TMEM132D: variants seen among roughly 807,000 people sequenced by gnomAD.
TMEM132D encodes the protein mature OL transmembrane protein.
A neutral mutation model predicts 62.3 loss-of-function variants in TMEM132D; 21 were observed. The observed-to-expected ratio is 0.34, with a 90% CI of 0.24 to 0.49. The LOEUF (loss-of-function observed/expected upper bound fraction) is 0.49, where lower values mean the gene tolerates loss of function less well. TMEM132D is among the 20% of genes least tolerant of loss of function. The pLI, the probability that TMEM132D is intolerant of heterozygous loss-of-function variation, is 0.99. For missense variants in TMEM132D, 1,346 were observed against 1,402.8 expected (o/e 0.96, Z 0.65); for synonymous variants, 621 against 575.6 (o/e 1.08, Z -1.13).
intron 2 of TMEM132D, among the ~76,000 whole-genome samples, chr12:129,550,915 G>GTGAGTTC (rs1374885977): frequency 6.6e-6 from 1 of 152,188 alleles, no homozygotes; most frequent in Non-Finnish European, 1.5e-5. Context: ...CTATGAGGCT[G>GTGAGTTC]TGAGTTCTGT....
rs377161002 is a variant in TMEM132D at position 129,188,996 on chromosome 12, G to T, written c.1443+20524C>A. Among the ~76,000 whole-genome samples the T allele has an allele frequency of 2.4e-4, 37 of 152,274 alleles. 1 individual carries two copies. The South Asian group carries it at 7.5e-3, about 31-fold the overall frequency. ...CCTGGAGGACCTACAGTGCCATTTG[G>T]TTACAACAGAATTGATGCTACTCAC... On this transcript the variant is annotated intron_variant, in intron 5 of 8. Coordinates refer to ENST00000422113, the MANE Select transcript of TMEM132D (RefSeq NM_133448.3).
At chr12:129,533,026 T>C (rs1345105181) in intron 2 of TMEM132D, among the ~76,000 whole-genome samples, 1 of 152,156 alleles carries the variant, frequency 6.6e-6, no homozygotes, top group Non-Finnish European at 1.5e-5. Flanking sequence ...AGTGACTCGC[T>C]GGACCTGGGG....
At chr12:129,708,536 A>AC (rs983314706) in intron 1 of TMEM132D, among the ~76,000 whole-genome samples, 3 of 129,228 alleles carry the variant, frequency 2.3e-5, no homozygotes, top group Non-Finnish European at 3.1e-5. Flanking sequence ...AGCAGCTGCC[A>AC]CCCCCAGCCC....
intron 2 of TMEM132D, among the ~76,000 whole-genome samples, chr12:129,647,121 C>CATATATATATATATATATAT: frequency 6.8e-6 from 1 of 146,460 alleles, no homozygotes; most frequent in African/African-American, 2.5e-5. Flanking sequence ...TACATACATA[C>CATATATATATATATATATAT]ATATATATAT....
At chr12:129,559,627 T>A (rs780858472) in intron 2 of TMEM132D, among the ~76,000 whole-genome samples, 3 of 152,214 alleles carry the variant, frequency 2.0e-5, no homozygotes, top group Non-Finnish European at 4.4e-5. Flanking sequence ...TTCCTCTTCA[T>A]CTAACATAGA....
At chr12:129,444,270 A>G (rs1873028332) in intron 3 of TMEM132D, among the ~76,000 whole-genome samples, 1 of 152,236 alleles carries the variant, frequency 6.6e-6, no homozygotes, top group African/African-American at 2.4e-5. Flanking sequence ...GGGATCTATT[A>G]AACTAATAGA....
intron 4 of TMEM132D, among the ~76,000 whole-genome samples, chr12:129,247,689 G>C (rs1420267658): frequency 6.6e-6 from 1 of 152,206 alleles, no homozygotes; most frequent in Non-Finnish European, 1.5e-5. Context: ...GCCCAACGAG[G>C]GTTCTGCTGT....
chr12:129,854,652 T>G (rs1217869838), intron 1 of TMEM132D: 1 of 152,254 alleles, frequency 6.6e-6, no homozygotes, highest in East Asian at 1.9e-4. Flanking sequence ...TAACGTGGAC[T>G]GTGTGCCAGC....
intron 1 of TMEM132D, among the ~76,000 whole-genome samples, chr12:129,797,436 G>T (rs937063560): frequency 6.6e-6 from 1 of 152,218 alleles, no homozygotes; most frequent in Non-Finnish European, 1.5e-5. Flanking sequence ...CATGCAGTTT[G>T]CAGGGACCTG....
intron 2 of TMEM132D, among the ~76,000 whole-genome samples, chr12:129,572,218 G>T (rs955246364): frequency 1.3e-5 from 2 of 152,246 alleles, no homozygotes; most frequent in Non-Finnish European, 2.9e-5. Flanking sequence ...TTTGAGAGAA[G>T]GCAAAGTAAC....
chr12:129,529,005 C>T (rs1462044893), intron 3 of TMEM132D, among the ~76,000 whole-genome samples: 1 of 152,174 alleles, frequency 6.6e-6, no homozygotes, highest in Non-Finnish European at 1.5e-5. Context: ...GTTCTATATG[C>T]ATATATAATA....
intron 2 of TMEM132D, among the ~76,000 whole-genome samples, chr12:129,695,018 A>AT (rs1258216568): frequency 1.3e-5 from 2 of 152,190 alleles, no homozygotes; most frequent in African/African-American, 4.8e-5. Context: ...AAAAAAATAA[A>AT]AAATAAATAA....
At chr12:129,615,328 C>T (rs1388117978) in intron 2 of TMEM132D, among the ~76,000 whole-genome samples, 1 of 152,064 alleles carries the variant, frequency 6.6e-6, no homozygotes, top group African/African-American at 2.4e-5. Context: ...TCACTTCTCC[C>T]AATATCTGGC....
At chr12:129,099,256 C>T (rs549042899) in intron 5 of TMEM132D, among the ~76,000 whole-genome samples, 27 of 152,286 alleles carry the variant, frequency 1.8e-4, no homozygotes, top group African/African-American at 4.3e-4. Context: ...CACCTTATTG[C>T]GTCAGGTTGG....
intron 2 of TMEM132D, among the ~76,000 whole-genome samples, chr12:129,656,762 A>G (rs1285037257): frequency 2.0e-5 from 3 of 152,310 alleles, no homozygotes; most frequent in East Asian, 3.9e-4. Context: ...TTCTTTTGCA[A>G]ATGAACCCAT....
intron 2 of TMEM132D, among the ~76,000 whole-genome samples, chr12:129,694,021 T>A (rs182438375): frequency 6.6e-6 from 1 of 152,212 alleles, no homozygotes; most frequent in South Asian, 2.1e-4. Context: ...CTGCCTTGAA[T>A]CCTCTCTCTG....
At chr12:129,288,313 G>T (rs866912626) in intron 4 of TMEM132D, among the ~76,000 whole-genome samples, 1 of 152,140 alleles carries the variant, frequency 6.6e-6, no homozygotes, top group African/African-American at 2.4e-5. Context: ...TCTATGAAAC[G>T]GGAAAATATT....
chr12:129,428,189 G>A (rs998139952), intron 3 of TMEM132D, among the ~76,000 whole-genome samples: 4 of 152,070 alleles, frequency 2.6e-5, no homozygotes, highest in South Asian at 2.1e-4. Flanking sequence ...TTACAAATAC[G>A]GAAACCCATT....
At chr12:129,249,514 A>AC (rs1880210515) in intron 4 of TMEM132D, among the ~76,000 whole-genome samples, 1 of 152,186 alleles carries the variant, frequency 6.6e-6, no homozygotes, top group Non-Finnish European at 1.5e-5. Context: ...CTTGGGTGAC[A>AC]GTTGTGTTGT....
Sources: gnomAD v4.1 joint callset for allele counts (sites outside exome capture counted in the v4.1 genomes callset) on GRCh38, gnomAD v4.1.1 for gene constraint, MANE v1.5 for transcripts, NCBI Gene and HGNC (gene_info 2026-07-23, HGNC 2026-07-21) for gene names.